The following ARHGAP32 variants were observed in gnomAD, a reference collection of about 807,000 sequenced individuals.
ARHGAP32 encodes rho GTPase-activating protein 32.
A neutral mutation model predicts 186.5 loss-of-function variants in ARHGAP32; 51 were observed. The ratio of observed to expected loss-of-function variants is 0.27; its 90% CI spans 0.22 to 0.35. The LOEUF (loss-of-function observed/expected upper bound fraction) is 0.35. Among genes scored for constraint, ARHGAP32 ranks in the 10% least tolerant of loss-of-function variants. The pLI is 1.00. For missense variants in ARHGAP32, 2,186 were observed against 2,623.5 expected, an observed-to-expected ratio of 0.83 and a Z score of 3.64; for synonymous variants, 950 against 964.3, an observed-to-expected ratio of 0.99 and a Z score of 0.27.
At chr11:129,114,399 A>G (rs623992) in intron 5 of ARHGAP32, among the ~76,000 whole-genome samples, 74,648 of 151,904 alleles carry the variant, frequency 0.49, 18,552 homozygotes, top group South Asian at 0.61. Context: ...TATAACATTT[A>G]TAACATTGTT....
At chr11:128,985,588 A>G (rs1945840034) in intron 15 of ARHGAP32, among the ~76,000 whole-genome samples, 1 of 152,114 alleles carries the variant, frequency 6.6e-6, no homozygotes, top group East Asian at 1.9e-4. Context: ...CACACAAATC[A>G]AATTAGGTTT....
intron 11 of ARHGAP32, among the ~76,000 whole-genome samples, chr11:129,037,689 G>A (rs1939408682): frequency 6.6e-6 from 1 of 151,674 alleles, no homozygotes; most frequent in African/African-American, 2.4e-5. Context: ...ATTACAAGGG[G>A]CCCAGAAAAG....
chr11:129,049,079 A>G (rs1254311598), intron 10 of ARHGAP32, among the ~76,000 whole-genome samples: 1 of 152,186 alleles, frequency 6.6e-6, no homozygotes, highest in Non-Finnish European at 1.5e-5. Flanking sequence ...AGGAAATAAA[A>G]GTGACACATT....
chr11:128,982,904 A>AG (rs1945750412), intron 15 of ARHGAP32, among the ~76,000 whole-genome samples: 1 of 150,724 alleles, frequency 6.6e-6, no homozygotes, highest in African/African-American at 2.4e-5. Context: ...AAAAAAAAAA[A>AG]AAAAAAAAAA....
chr11:129,192,300 C>A lies in ARHGAP32; in HGVS notation c.-102G>T. ...TACTCATGTATACTCAGATGTGTGT[C>A]TGGTGCCCTAGTGACAGGTACTGGT... is the stretch of plus-strand genomic sequence containing the variant. On this transcript the variant is annotated 5_prime_UTR_variant, in exon 1 of 23. Coordinates refer to ENST00000682385, the MANE Select transcript of ARHGAP32 (RefSeq NM_001378024.1). 1.3e-6 allele frequency: 1 copy of A among 787,686 alleles called. No individual in the cohort carries two copies. Among genetic ancestry groups the A allele is most frequent in the Non-Finnish European group, 2.2e-6 (1 of 464,624 alleles). 48.8% of individuals were successfully genotyped at this position (787,686 alleles called of 1,614,324 possible). A position where few individuals can be genotyped will look rare whatever the true frequency, so the allele number is the denominator to read the frequency against.
chr11:129,040,916 A>C lies in ARHGAP32; in HGVS notation c.1045+12T>G, dbSNP rs1021729705. On this transcript the variant is annotated intron_variant, in intron 11 of 22. Transcript: ENST00000682385. The stretch of plus-strand genomic sequence containing the variant: ...GATAAAATAACTACACTAGTGAAAA[A>C]AGTGTACTCACCTGGTTTTGGCACT... 1 of 1,588,166 alleles carries C rather than the reference A, an allele frequency of 6.3e-7. No individual in the cohort carries two copies. The highest frequency in any genetic ancestry group is 8.6e-7 in the Non-Finnish European group (1 of 1,163,534).
Position 129,134,465 on chromosome 11 carries a change from A to C in ARHGAP32, c.226-9571T>G, listed in dbSNP as rs573712413. Among the ~76,000 whole-genome samples the C allele has an allele frequency of 3.3e-5, 5 of 152,306 alleles. No individual in the cohort carries two copies. In the South Asian group the frequency reaches 6.2e-4, roughly 19 times the overall value. ...GAATTCACAAACTCAGAATTAATCAAAGAATGTATCAAGGTCTCTAGGCAT... is the reference window on the plus strand; with the variant it reads ...GAATTCACAAACTCAGAATTAATCACAGAATGTATCAAGGTCTCTAGGCAT... On this transcript the variant is annotated intron_variant, in intron 2 of 22. Coordinates refer to ENST00000682385, the MANE Select transcript of ARHGAP32 (RefSeq NM_001378024.1).
chr11:129,052,075 T>A (rs1051146932), intron 10 of ARHGAP32, among the ~76,000 whole-genome samples: 1 of 152,056 alleles, frequency 6.6e-6, no homozygotes, highest in African/African-American at 2.4e-5. Flanking sequence ...TTTAGGTATA[T>A]TATCTATTTT....
intron 11 of ARHGAP32, among the ~76,000 whole-genome samples, chr11:129,002,420 C>T (rs1479124346): frequency 6.6e-6 from 1 of 152,110 alleles, no homozygotes; most frequent in Non-Finnish European, 1.5e-5. Context: ...AGAAATGCTA[C>T]TGATTTTTTC....
At chr11:129,248,801 T>G (rs1022052215) in intron 1 of ARHGAP32, among the ~76,000 whole-genome samples, 17 of 152,240 alleles carry the variant, frequency 1.1e-4, no homozygotes, top group African/African-American at 3.9e-4. Context: ...GAGTTAACTA[T>G]GACCATGTGT....
chr11:129,154,695 C>T (rs925248578), intron 2 of ARHGAP32, among the ~76,000 whole-genome samples: 2 of 151,942 alleles, frequency 1.3e-5, no homozygotes, highest in African/African-American at 4.8e-5. Flanking sequence ...GACACAAAGG[C>T]ATAAGACTGA....
Position 128,974,891 on chromosome 11 carries a change from G to A in ARHGAP32, c.2306C>T (p.Pro769Leu). 2 of 1,614,152 alleles carry A rather than the reference G, an allele frequency of 1.2e-6. No homozygotes were observed. Among genetic ancestry groups the A allele is most frequent in the Non-Finnish European group, 1.7e-6 (2 of 1,180,038 alleles). Residue 769 changes from proline to leucine, a missense_variant, in exon 21 of 23, where the codon CCT becomes CTT. By Grantham distance (98) the Pro-to-Leu change is moderately conservative. Transcript: ENST00000682385. ...GNRCNSYDNL[P>L]HDNESEEEGG... Reference sequence around the variant, plus strand: ...TTCCTCCTCACTCTCATTGTCATGAGGCAGATTATCATAGGAGTTACAGCG... The same window carrying A: ...TTCCTCCTCACTCTCATTGTCATGAAGCAGATTATCATAGGAGTTACAGCG...
chr11:129,186,203 T>A (rs936340314), intron 1 of ARHGAP32, among the ~76,000 whole-genome samples: 1 of 152,190 alleles, frequency 6.6e-6, no homozygotes, highest in Non-Finnish European at 1.5e-5. Context: ...AACAACCTAA[T>A]AACCAGGAAC....
intron 2 of ARHGAP32, among the ~76,000 whole-genome samples, chr11:129,160,475 C>T (rs565860555): frequency 6.6e-6 from 1 of 152,148 alleles, no homozygotes; most frequent in African/African-American, 2.4e-5. Flanking sequence ...AACAGAGAGC[C>T]AAATCATGAG....
At chr11:129,235,649 C>A (rs1031405633) in intron 1 of ARHGAP32, among the ~76,000 whole-genome samples, 1 of 152,028 alleles carries the variant, frequency 6.6e-6, no homozygotes, top group African/African-American at 2.4e-5. Flanking sequence ...CTGGTACACC[C>A]ACCACCCAAG....
chr11:129,111,741 T>A (rs745468857), intron 5 of ARHGAP32, among the ~76,000 whole-genome samples: 1 of 152,004 alleles, frequency 6.6e-6, no homozygotes, highest in Non-Finnish European at 1.5e-5. Context: ...CATTGTAATG[T>A]CTATTTTTCT....
chr11:129,248,242 G>A (rs916183733), intron 1 of ARHGAP32, among the ~76,000 whole-genome samples: 8 of 147,950 alleles, frequency 5.4e-5, no homozygotes, highest in African/African-American at 2.0e-4. Flanking sequence ...GAAAGTGAAA[G>A]CTTATCTGAT....
chr11:129,002,284 T>C (rs1043398762), intron 11 of ARHGAP32, among the ~76,000 whole-genome samples: 3 of 152,196 alleles, frequency 2.0e-5, no homozygotes, highest in African/African-American at 7.2e-5. Flanking sequence ...ATCAGTGTTT[T>C]ATAGTTTTCA....
chr11:128,999,095 A>T (rs1417927384), intron 11 of ARHGAP32, among the ~76,000 whole-genome samples: 1 of 152,248 alleles, frequency 6.6e-6, no homozygotes. Flanking sequence ...GGGGCCGGGC[A>T]GAACAGAGTC....
Sources: gnomAD v4.1 joint callset for allele counts (sites outside exome capture counted in the v4.1 genomes callset) on GRCh38, gnomAD v4.1.1 for gene constraint, MANE v1.5 for transcripts, NCBI Gene and HGNC (gene_info 2026-07-23, HGNC 2026-07-21) for gene names.